PIK3R4: variants seen among roughly 807,000 people sequenced by gnomAD.
PIK3R4 encodes the protein phosphoinositide 3-kinase regulatory subunit 4.
Under a neutral mutation model 136.5 loss-of-function variants are expected in PIK3R4, and 46 were observed. The ratio of observed to expected loss-of-function variants is 0.34; its 90% CI spans 0.27 to 0.43. The LOEUF (loss-of-function observed/expected upper bound fraction) is 0.43, where lower values mean the gene tolerates loss of function less well. Among genes scored for constraint, PIK3R4 ranks in the 20% least tolerant of loss-of-function variants. The pLI is 1.00. For missense variants in PIK3R4, 1,331 were observed against 1,649.5 expected, an observed-to-expected ratio of 0.81 and a Z score of 3.35; for synonymous variants, 557 against 566.7, an observed-to-expected ratio of 0.98 and a Z score of 0.24.
Position 130,745,139 on chromosome 3 carries a change from T to G in PIK3R4, c.80A>C (p.Glu27Ala), listed in dbSNP as rs539386366. 1.2e-6 allele frequency: 2 copies of G among 1,613,462 alleles called. No individual in the cohort carries two copies. Among genetic ancestry groups the G allele is most frequent in the South Asian group, 2.2e-5 (2 of 91,068 alleles). ...AGTACTCCCCAGGCTTTTATCATAT[T>G]CAAAGTCATGAATATCTGAAAAATA... ...ESYFSDIHDF[E>A]YDKSLGSTRF... Residue 27 changes from glutamate to alanine, a missense_variant, in exon 2 of 20, where the codon GAA becomes GCA. Physicochemically the swap from Glu to Ala is moderately radical, Grantham distance 107. This residue lies in a region of PIK3R4 where 151 missense variants were observed against 242.5 expected (regional missense o/e 0.62). Transcript: ENST00000356763.
intron 9 of PIK3R4, among the ~76,000 whole-genome samples, chr3:130,711,649 A>G (rs2066633171): frequency 6.6e-6 from 1 of 152,230 alleles, no homozygotes; most frequent in South Asian, 2.1e-4. Context: ...TAGTGGGACT[A>G]AAGTGACCAA....
chr3:130,729,182 T>C (rs2066749309), intron 5 of PIK3R4, among the ~76,000 whole-genome samples: 3 of 152,218 alleles, frequency 2.0e-5, no homozygotes, highest in African/African-American at 7.2e-5. Flanking sequence ...TCTTCTCTGG[T>C]CTTACCTCTT....
At position 130,703,813 on chromosome 3, in the gene PIK3R4, T is replaced by G. The variant is rs757525023; in HGVS notation, c.3008A>C (p.Asp1003Ala). The change falls in exon 13 of 20, where the codon GAT (aspartate) becomes GCT (alanine). Residue 1003 changes from aspartate to alanine, a missense_variant. This residue lies in a region of PIK3R4 where 1,180 missense variants were observed against 1,407.0 expected (regional missense o/e 0.84). Transcript: ENST00000356763. ...ACATGTTGCAAAAAGTGAGTGTTCA[T>G]CAGAGACTCTAATTCGATTCACAGC... ...KSAVNRIRVS[D>A]EHSLFATCSN... The G allele has an allele frequency of 5.0e-5, 81 of 1,612,130 alleles. No homozygotes were observed. The South Asian group carries it at 8.5e-4, about 17-fold the overall frequency.
Position 130,728,447 on chromosome 3 carries a change from A to G in PIK3R4, c.1807+16T>C. The stretch of plus-strand genomic sequence containing the variant: ...TGATTAAAAATCTTAAAGGAATTTA[A>G]AAGCAAAAAACATACCAACTATACT... On this transcript the variant is annotated intron_variant, in intron 6 of 19. Coordinates refer to ENST00000356763, the MANE Select transcript of PIK3R4 (RefSeq NM_014602.3). The G allele has an allele frequency of 6.5e-7, 1 of 1,547,726 alleles. No homozygotes were observed. The highest frequency in any genetic ancestry group is 1.8e-5 in the Admixed American group (1 of 54,512).
chr3:130,716,244 A>G lies in PIK3R4; in HGVS notation c.2331+152T>C. The G allele has an allele frequency of 4.7e-6, 3 of 635,534 alleles. No homozygotes were observed. The South Asian group carries it at 6.0e-5, about 13-fold the overall frequency. 39.4% of individuals were successfully genotyped at this position (635,534 alleles called of 1,614,324 possible). On this transcript the variant is annotated intron_variant, in intron 9 of 19. Transcript: ENST00000356763. Reference sequence around the variant, plus strand: ...TTATTATTATCTTTGTTTAGGAATCAAAAGCAAATGCCTAAGATGTTTGCC... The same window carrying G: ...TTATTATTATCTTTGTTTAGGAATCGAAAGCAAATGCCTAAGATGTTTGCC...
chr3:130,737,655 G>T (rs1439917748), intron 2 of PIK3R4, among the ~76,000 whole-genome samples: 1 of 152,044 alleles, frequency 6.6e-6, no homozygotes, highest in East Asian at 1.9e-4. Context: ...GCCAGACTCT[G>T]TCTCAAAAAA....
intron 7 of PIK3R4, among the ~76,000 whole-genome samples, chr3:130,720,367 G>C (rs2066693252): frequency 6.6e-6 from 1 of 152,030 alleles, no homozygotes; most frequent in Non-Finnish European, 1.5e-5. Context: ...GGCTAATTTT[G>C]TATTTTTAGT....
intron 13 of PIK3R4, 35 bp downstream of exon 13, chr3:130,703,688 A>C (rs577539934): frequency 6.6e-7 from 1 of 1,504,064 alleles, no homozygotes. Context: ...GTTGATTTGA[A>C]TTAATGAACT....
rs73868958 is a variant in PIK3R4, at chr3:130,743,678, T to C, written c.733+808A>G. Among the ~76,000 whole-genome samples, 711 of 152,260 alleles carry C rather than the reference T, an allele frequency of 4.7e-3. 5 individuals carry two copies. Among genetic ancestry groups the C allele is most frequent in the African/African-American group, 0.016 (678 of 41,538 alleles). ...ACAATTCTATCTACTAATTATCTCT[T>C]AAGCATTACCACTTCTCTCCACTCC... On this transcript the variant is annotated intron_variant, in intron 2 of 19. Transcript: ENST00000356763.
At chr3:130,689,931 T>A (rs1193724369) in intron 14 of PIK3R4, among the ~76,000 whole-genome samples, 2 of 152,254 alleles carry the variant, frequency 1.3e-5, no homozygotes, top group Admixed American at 6.5e-5. Flanking sequence ...ATGCATTTAA[T>A]CTGCAAGCAA....
chr3:130,694,152 G>A (rs946844543), intron 13 of PIK3R4, among the ~76,000 whole-genome samples: 6 of 151,886 alleles, frequency 4.0e-5, no homozygotes, highest in African/African-American at 1.2e-4. Context: ...CCTTATACCC[G>A]TACTACACTG....
intron 5 of PIK3R4, 88 bp from the exon 6 acceptor site, chr3:130,728,772 CTTCT>C: frequency 2.3e-6 from 2 of 870,440 alleles, no homozygotes; most frequent in Non-Finnish European, 3.4e-6. Flanking sequence ...TAGTCCCAGT[CTTCT>C]TTCTTACTCA....
intron 13 of PIK3R4, among the ~76,000 whole-genome samples, chr3:130,693,291 A>G (rs188455326): frequency 3.2e-4 from 48 of 152,300 alleles, no homozygotes; most frequent in African/African-American, 9.9e-4. Context: ...GTGTGAACAT[A>G]TGTTTTCAAC....
In PIK3R4 at chr3:130,744,688, T is replaced by C; in HGVS notation, c.531A>G (p.Glu177=). The part of the protein sequence containing the change: ...FASFKPTYLP[E]DNPADFNYFF... Reference sequence around the variant, plus strand: ...AATAATTGAAATCTGCCGGGTTGTCTTCTGGAAGATAAGTGGGCTTAAAAC... The same window carrying C: ...AATAATTGAAATCTGCCGGGTTGTCCTCTGGAAGATAAGTGGGCTTAAAAC... Residue 177 remains glutamate, a synonymous_variant, in exon 2 of 20, where the codon GAA becomes GAG. Transcript: ENST00000356763. 1.2e-6 allele frequency: 2 copies of C among 1,614,254 alleles called. No homozygotes were observed. The highest frequency in any genetic ancestry group is 8.5e-7 in the Non-Finnish European group (1 of 1,180,048).
intron 9 of PIK3R4, among the ~76,000 whole-genome samples, chr3:130,716,077 T>C (rs2066663010): frequency 6.6e-6 from 1 of 152,228 alleles, no homozygotes; most frequent in Admixed American, 6.5e-5. Flanking sequence ...TGGTAAAACA[T>C]AGAACTGAAT....
At chr3:130,710,724 T>C (rs2066628582) in intron 9 of PIK3R4, among the ~76,000 whole-genome samples, 1 of 152,058 alleles carries the variant, frequency 6.6e-6, no homozygotes, top group South Asian at 2.1e-4. Flanking sequence ...GGTTGCCAGA[T>C]AAAAGGAAAT....
At chr3:130,735,649 A>G (rs2107620424) in intron 3 of PIK3R4, among the ~76,000 whole-genome samples, 1 of 152,306 alleles carries the variant, frequency 6.6e-6, no homozygotes, top group Non-Finnish European at 1.5e-5. Flanking sequence ...GAAAATAGAT[A>G]ATAAATAGAT....
intron 4 of PIK3R4, among the ~76,000 whole-genome samples, chr3:130,732,292 C>G (rs2066763651): frequency 6.6e-6 from 1 of 152,124 alleles, no homozygotes; most frequent in African/African-American, 2.4e-5. Flanking sequence ...TATGTGATAG[C>G]TATTAGTAAC....
In PIK3R4 at chr3:130,722,996, G is replaced by A. The variant is rs187316979; in HGVS notation, c.1981+418C>T. On this transcript the variant is annotated intron_variant, in intron 7 of 19. Coordinates refer to ENST00000356763, the MANE Select transcript of PIK3R4 (RefSeq NM_014602.3). ...AGGAGAATGGCTTGAACACAGAGGT[G>A]GAGGTTGCAGTGAGCCAAGATCACA... 2.1e-3 allele frequency among the ~76,000 whole-genome samples: 283 copies of A among 133,610 alleles called. 1 individual carries two copies. Among genetic ancestry groups the A allele is most frequent in the African/African-American group, 7.6e-3 (268 of 35,268 alleles). 87.7% of individuals were successfully genotyped at this position (133,610 alleles called of 152,430 possible). A position where few individuals can be genotyped will look rare whatever the true frequency, so the allele number is the denominator to read the frequency against.
Sources: gnomAD v4.1 joint callset for allele counts (sites outside exome capture counted in the v4.1 genomes callset) on GRCh38, gnomAD v4.1.1 for gene constraint, gnomAD v4.1.1 regional missense constraint, MANE v1.5 for transcripts, NCBI Gene and HGNC (gene_info 2026-07-23, HGNC 2026-07-21) for gene names.